The following C2CD5 variants were observed in gnomAD, a reference collection of about 807,000 sequenced individuals.
C2CD5 encodes C2 domain-containing protein 5.
In C2CD5, 109 loss-of-function variants were observed where a neutral mutation model predicts 130.3. The ratio of observed to expected loss-of-function variants is 0.84; its 90% CI spans 0.72 to 0.98. The LOEUF is 0.98. Ranked by LOEUF, C2CD5 falls within the 50% of genes least tolerant of loss-of-function variation. The pLI, the probability that C2CD5 is intolerant of heterozygous loss-of-function variation, is 0.00. For synonymous variants in C2CD5, 454 were observed against 429.2 expected, an observed-to-expected ratio of 1.06 and a Z score of -0.71; for missense variants, 996 against 1,261.8, an observed-to-expected ratio of 0.79 and a Z score of 3.19.
chr12:22,525,447 CAA>C (rs997477905), intron 5 of C2CD5, among the ~76,000 whole-genome samples, 161 bp downstream of exon 5: 4 of 152,280 alleles, frequency 2.6e-5, no homozygotes, highest in Middle Eastern at 3.4e-3. Flanking sequence ...CATTTATACT[CAA>C]ATCAGAACTA....
rs181034574 is a variant in C2CD5, at chr12:22,537,738, G to A, written c.91-2394C>T. Among the ~76,000 whole-genome samples the A allele has an allele frequency of 1.8e-3, 269 of 152,264 alleles. 1 individual carries two copies. The highest frequency in any genetic ancestry group is 6.3e-3 in the African/African-American group (261 of 41,556). On this transcript the variant is annotated intron_variant, in intron 2 of 26. Transcript: ENST00000446597. ...AGCATTACATGATATAACACATGTA[G>A]AGACCTAGCAAAATGTCTGCACATA...
intron 3 of C2CD5, among the ~76,000 whole-genome samples, chr12:22,532,363 CT>C (rs1229842170): frequency 6.6e-6 from 1 of 151,312 alleles, no homozygotes; most frequent in African/African-American, 2.4e-5. Context: ...ATATTATTCT[CT>C]TTTTTTTGAC....
At chr12:22,491,316 T>C (rs1295393699) in intron 11 of C2CD5, among the ~76,000 whole-genome samples, 1 of 152,126 alleles carries the variant, frequency 6.6e-6, no homozygotes, top group Non-Finnish European at 1.5e-5. Context: ...CCTTCTTTTT[T>C]TTGCTACTCT....
At chr12:22,521,297 T>C (rs1565783255) in intron 7 of C2CD5, among the ~76,000 whole-genome samples, 1 of 152,194 alleles carries the variant, frequency 6.6e-6, no homozygotes, top group South Asian at 2.1e-4. Flanking sequence ...AGATGCCTTT[T>C]AGAAAATCCT....
chr12:22,501,347 G>A (rs1328641910), intron 10 of C2CD5, among the ~76,000 whole-genome samples: 1 of 152,028 alleles, frequency 6.6e-6, no homozygotes, highest in African/African-American at 2.4e-5. Flanking sequence ...ATGTCTATAA[G>A]ATTTAATTAC....
rs536490995 is a variant in C2CD5, at chr12:22,491,871, C to CA, written c.1262+1351dup. On this transcript the variant is annotated intron_variant, in intron 11 of 26. Coordinates refer to ENST00000446597, the MANE Select transcript of C2CD5 (RefSeq NM_001286176.2). ...TGAGTGAAAGAGTGAAACTCTATCTCAAAAAACAAAAAAAAAAACGACAAC... is the reference window on the plus strand; with the variant it reads ...TGAGTGAAAGAGTGAAACTCTATCTCAAAAAAACAAAAAAAAAAACGACAAC... Among the ~76,000 whole-genome samples, 369 of 138,282 alleles carry CA rather than the reference C, an allele frequency of 2.7e-3. 2 individuals carry two copies. The highest frequency in any genetic ancestry group is 8.4e-3 in the African/African-American group (326 of 38,826). The allele number at this position is 138,282 out of a possible 152,430, so 90.7% of individuals were successfully genotyped here.
intron 6 of C2CD5, 90 bp from the exon 7 acceptor site, chr12:22,523,714 A>C (rs1950474238): frequency 1.1e-6 from 1 of 924,500 alleles, no homozygotes; most frequent in African/African-American, 1.7e-5. Flanking sequence ...AAAAAAAAAA[A>C]GACCAAGAAA....
At chr12:22,481,846 C>A in intron 14 of C2CD5, among the ~76,000 whole-genome samples, 1 of 140,830 alleles carries the variant, frequency 7.1e-6, no homozygotes. Context: ...CTCACCCGGG[C>A]TGGTCTAACT....
intron 22 of C2CD5, among the ~76,000 whole-genome samples, chr12:22,467,026 AC>A (rs1942198041): frequency 6.6e-6 from 1 of 152,192 alleles, no homozygotes; most frequent in Non-Finnish European, 1.5e-5. Context: ...CCAGAGACCT[AC>A]CCTCAATCCC....
At chr12:22,533,480 C>A (rs1225229577) in intron 3 of C2CD5, among the ~76,000 whole-genome samples, 3 of 152,116 alleles carry the variant, frequency 2.0e-5, no homozygotes, top group Admixed American at 6.5e-5. Flanking sequence ...AGGATTGGGG[C>A]ATGCCGACAG....
At chr12:22,487,117 G>C (rs1428845441) in intron 12 of C2CD5, among the ~76,000 whole-genome samples, 1 of 152,088 alleles carries the variant, frequency 6.6e-6, no homozygotes, top group South Asian at 2.1e-4. Flanking sequence ...AGAAAACCTA[G>C]GCAATACCAT....
intron 3 of C2CD5, among the ~76,000 whole-genome samples, chr12:22,532,193 G>C (rs1951342247): frequency 6.6e-6 from 1 of 152,004 alleles, no homozygotes; most frequent in Admixed American, 6.6e-5. Flanking sequence ...AGCCAGGTGT[G>C]GTGGCGCATG....
intron 22 of C2CD5, among the ~76,000 whole-genome samples, chr12:22,465,675 C>A (rs1022286015): frequency 8.6e-4 from 130 of 151,964 alleles, no homozygotes; most frequent in African/African-American, 3.0e-3. Flanking sequence ...TATATAGATA[C>A]ACACATTATT....
At chr12:22,490,260 C>G in intron 11 of C2CD5, 42 bp from the exon 12 acceptor site, 1 of 1,389,748 alleles carries the variant, frequency 7.2e-7, no homozygotes, top group Middle Eastern at 1.8e-4. Flanking sequence ...TTTTTCAGAC[C>G]GTATAACTTT....
chr12:22,497,907 T>TAC (rs3063916), intron 10 of C2CD5, among the ~76,000 whole-genome samples: 50,529 of 145,332 alleles, frequency 0.35, 9,028 homozygotes, highest in Middle Eastern at 0.46. Context: ...TGCACACACA[T>TAC]ACACACACAC....
intron 14 of C2CD5, among the ~76,000 whole-genome samples, chr12:22,478,913 G>T (rs924839558): frequency 6.6e-6 from 1 of 152,034 alleles, no homozygotes; most frequent in Non-Finnish European, 1.5e-5. Flanking sequence ...AATATAATCA[G>T]CATCAGGGTA....
chr12:22,539,100 T>C (rs1952095082), intron 2 of C2CD5, among the ~76,000 whole-genome samples: 1 of 152,184 alleles, frequency 6.6e-6, no homozygotes, highest in South Asian at 2.1e-4. Flanking sequence ...TAGCCATACA[T>C]CTTGAAACAG....
chr12:22,471,683 A>G (rs1164705995), intron 19 of C2CD5, among the ~76,000 whole-genome samples, 195 bp from the exon 20 acceptor site: 3 of 152,044 alleles, frequency 2.0e-5, no homozygotes, highest in Non-Finnish European at 2.9e-5. Flanking sequence ...TTAATCGTCA[A>G]TAAGTCACAA....
chr12:22,508,835 A>G (rs1948863672), intron 9 of C2CD5, among the ~76,000 whole-genome samples: 1 of 152,126 alleles, frequency 6.6e-6, no homozygotes, highest in South Asian at 2.1e-4. Flanking sequence ...CTCACAGAAT[A>G]AAAAATCACT....
Sources: gnomAD v4.1 joint callset for allele counts (sites outside exome capture counted in the v4.1 genomes callset) on GRCh38, gnomAD v4.1.1 for gene constraint, MANE v1.5 for transcripts, NCBI Gene and HGNC (gene_info 2026-07-23, HGNC 2026-07-21) for gene names.